Variants in AP3S1 observed in about 807,000 individuals in gnomAD.
The protein encoded by AP3S1 is adaptor related protein complex 3 subunit sigma 1, also known as AP-3 complex subunit sigma-1.
AP3S1 carries 12 observed loss-of-function variants against 21.3 expected under a neutral mutation model. That is an observed-to-expected ratio of 0.56 (90% CI 0.36 to 0.91). The LOEUF (loss-of-function observed/expected upper bound fraction) is 0.91, where lower values mean the gene tolerates loss of function less well. Ranked by LOEUF, AP3S1 falls within the 40% of genes least tolerant of loss-of-function variation. The pLI is 0.01. For synonymous variants in AP3S1, 48 were observed against 78.4 expected (o/e 0.61, Z 2.05); for missense variants, 116 against 225.0 (o/e 0.52, Z 3.10).
At chr5:115,874,543 A>T (rs923533978) in intron 3 of AP3S1, among the ~76,000 whole-genome samples, 10 of 152,074 alleles carry the variant, frequency 6.6e-5, no homozygotes, top group African/African-American at 1.2e-4. Flanking sequence ...TAGCTAGATT[A>T]AAAAAACAAC....
At chr5:115,897,095 GA>G (rs1210950515) in intron 4 of AP3S1, among the ~76,000 whole-genome samples, 1 of 152,098 alleles carries the variant, frequency 6.6e-6, no homozygotes, top group African/African-American at 2.4e-5. Context: ...AATACAGAGA[GA>G]AAAATATGTG....
chr5:115,852,978 G>A (rs1762546920), intron 1 of AP3S1: 5 of 453,118 alleles, frequency 1.1e-5, no homozygotes, highest in South Asian at 3.1e-5. Flanking sequence ...CATTTCTCTA[G>A]GGTATATAAC....
At chr5:115,913,255 C>G in intron 5 of AP3S1, 107 bp from the exon 6 acceptor site, 1 of 844,926 alleles carries the variant, frequency 1.2e-6, no homozygotes, top group Non-Finnish European at 1.5e-6. Flanking sequence ...GGTCCCTAAG[C>G]TTGTTATATG....
intron 4 of AP3S1, among the ~76,000 whole-genome samples, chr5:115,897,209 C>G (rs779226144): frequency 4.6e-5 from 7 of 152,154 alleles, no homozygotes; most frequent in Non-Finnish European, 1.0e-4. Flanking sequence ...ACAAATACAT[C>G]TTTAAAACAA....
At chr5:115,890,066 T>G (rs546571303) in intron 3 of AP3S1, among the ~76,000 whole-genome samples, 2 of 152,160 alleles carry the variant, frequency 1.3e-5, no homozygotes, top group South Asian at 4.1e-4. Flanking sequence ...TAAGTGCGTA[T>G]AATCGTTTTG....
Position 115,866,420 on chromosome 5 carries a change from T to C in AP3S1, c.70-250T>C, listed in dbSNP as rs1580655376. On this transcript the variant is annotated intron_variant, in intron 1 of 5. Transcript: ENST00000316788. ...GTAATTCATCTAATATTTTTTCTTGTTGGTTTTTGAAACTTAGAAATGTGT... is the reference window on the plus strand; with the variant it reads ...GTAATTCATCTAATATTTTTTCTTGCTGGTTTTTGAAACTTAGAAATGTGT... Among the ~76,000 whole-genome samples, 3 of 152,302 alleles carry C rather than the reference T, an allele frequency of 2.0e-5. No homozygotes were observed. In the East Asian group the frequency reaches 5.8e-4, roughly 29 times the overall value.
At chr5:115,861,734 A>G (rs1437367765) in intron 1 of AP3S1, among the ~76,000 whole-genome samples, 1 of 151,738 alleles carries the variant, frequency 6.6e-6, no homozygotes, top group African/African-American at 2.4e-5. Flanking sequence ...TTTTGTAGAG[A>G]CAGGGTTTTG....
At chr5:115,887,558 C>A (rs889776083) in intron 3 of AP3S1, among the ~76,000 whole-genome samples, 1 of 151,690 alleles carries the variant, frequency 6.6e-6, no homozygotes, top group African/African-American at 2.4e-5. Flanking sequence ...ATTTTTATTT[C>A]TCCGTGTGTT....
At chr5:115,863,887 G>A (rs1006420764) in intron 1 of AP3S1, among the ~76,000 whole-genome samples, 2 of 152,262 alleles carry the variant, frequency 1.3e-5, no homozygotes, top group African/African-American at 4.8e-5. Context: ...GGAGAAGCCA[G>A]CTGTTGCTGA....
chr5:115,884,931 A>G (rs906116226), intron 3 of AP3S1, among the ~76,000 whole-genome samples: 6 of 152,204 alleles, frequency 3.9e-5, no homozygotes, highest in Non-Finnish European at 8.8e-5. Flanking sequence ...CAGACATTCT[A>G]TCACATAGAA....
At chr5:115,864,698 G>T (rs1373305556) in intron 1 of AP3S1, among the ~76,000 whole-genome samples, 1 of 152,166 alleles carries the variant, frequency 6.6e-6, no homozygotes, top group Non-Finnish European at 1.5e-5. Flanking sequence ...GATTGTGAAT[G>T]TAGCAAAAAA....
chr5:115,895,598 A>G (rs1750695429), intron 4 of AP3S1, among the ~76,000 whole-genome samples: 1 of 152,246 alleles, frequency 6.6e-6, no homozygotes, highest in Non-Finnish European at 1.5e-5. Flanking sequence ...GGCCTAGTTT[A>G]AAACAACCAT....
intron 3 of AP3S1, among the ~76,000 whole-genome samples, chr5:115,880,868 A>C (rs1245765980): frequency 6.6e-6 from 1 of 152,144 alleles, no homozygotes. Context: ...TTGCTTTATG[A>C]ATCTGGGTGC....
rs574856975 is a variant in AP3S1 at position 115,863,328 on chromosome 5, C to T, written c.70-3342C>T. On this transcript the variant is annotated intron_variant, in intron 1 of 5. Coordinates refer to ENST00000316788, the MANE Select transcript of AP3S1 (RefSeq NM_001284.4). ...AGGAGAATCGCTTGAACCCAGGAGG[C>T]GGAGGTTGCAGTGAGCGAGATCATG... Among the ~76,000 whole-genome samples the T allele has an allele frequency of 2.7e-3, 410 of 151,588 alleles. 1 individual carries two copies. The highest frequency in any genetic ancestry group is 6.8e-3 in the Middle Eastern group (2 of 294).
chr5:115,910,546 C>T (rs2112596349), intron 5 of AP3S1, among the ~76,000 whole-genome samples: 1 of 151,934 alleles, frequency 6.6e-6, no homozygotes, highest in East Asian at 1.9e-4. Context: ...AAAATTACTT[C>T]ATACCTCTGT....
intron 1 of AP3S1, chr5:115,852,894 T>G: frequency 2.7e-6 from 1 of 369,444 alleles, no homozygotes; most frequent in South Asian, 2.1e-5. Context: ...TCTGGGTTGT[T>G]TCCACTTTTT....
intron 3 of AP3S1, among the ~76,000 whole-genome samples, chr5:115,873,355 T>G (rs1447380957): frequency 7.2e-5 from 11 of 152,192 alleles, no homozygotes; most frequent in Admixed American, 7.2e-4. Context: ...GATCACTTGT[T>G]TTGATATTAG....
chr5:115,893,872 T>G (rs1432689080), intron 3 of AP3S1, among the ~76,000 whole-genome samples: 1 of 152,206 alleles, frequency 6.6e-6, no homozygotes, highest in East Asian at 1.9e-4. Context: ...CTTTTAATAC[T>G]ACCCCATTTA....
intron 3 of AP3S1, among the ~76,000 whole-genome samples, chr5:115,875,016 T>C (rs534695739): frequency 6.6e-6 from 1 of 152,168 alleles, no homozygotes. Context: ...AGATATTTCA[T>C]GTGAAACCCA....
Sources: allele counts gnomAD v4.1 joint callset (sites outside exome capture counted in the v4.1 genomes callset), GRCh38; gene constraint gnomAD v4.1.1; transcripts MANE v1.5; gene names NCBI Gene and HGNC (gene_info 2026-07-23, HGNC 2026-07-21).